Variants in ZNF208 observed in about 807,000 individuals in gnomAD.
The protein encoded by ZNF208 is zinc finger protein 95.
Under a neutral mutation model 12.1 loss-of-function variants are expected in ZNF208, and 10 were observed. The observed-to-expected ratio is 0.83, with a 90% CI of 0.51 to 1.40. The LOEUF (loss-of-function observed/expected upper bound fraction) is 1.40. Among genes scored for constraint, ZNF208 ranks in the 40% most tolerant of loss-of-function variants. ZNF208 has a pLI of 0.00. For missense variants in ZNF208, 1,652 were observed against 1,485.0 expected (o/e 1.11, Z -1.85); for synonymous variants, 497 against 488.4 (o/e 1.02, Z -0.23).
At position 21,972,407 on chromosome 19, in the gene ZNF208, A is replaced by G; in HGVS notation, c.2627T>C (p.Leu876Pro). 6.2e-7 allele frequency: 1 copy of G among 1,612,408 alleles called. No homozygotes were observed. The highest frequency in any genetic ancestry group is 1.1e-5 in the South Asian group (1 of 90,988). Residue 876 changes from leucine to proline, a missense_variant, in exon 4 of 4, where the codon CTT (leucine) becomes CCT (proline). Around this residue, in one of 3 missense-constraint regions of ZNF208, gnomAD observed 1,239 missense variants for 1,086.2 expected, o/e 1.14. Coordinates refer to ENST00000397126, the MANE Select transcript of ZNF208 (RefSeq NM_007153.3). ...AGTATGAATTTTCTTATGATAACTA[A>G]GGGTTGAGGGCCATTTATAGGCTTT... Reference protein sequence around the residue: ...CGKAYKWPSTLSYHKKIHTGE... With the variant: ...CGKAYKWPSTPSYHKKIHTGE...
chr19:21,941,362 C>T (rs1281519693), intron 4 of ZNF208: 1 of 398,854 alleles, frequency 2.5e-6, no homozygotes, highest in Non-Finnish European at 4.4e-6. Flanking sequence ...AGTGACAGAA[C>T]GAAAGGACAG....
intron 4 of ZNF208, among the ~76,000 whole-genome samples, chr19:21,958,891 G>C (rs1198869908): frequency 2.6e-5 from 4 of 152,052 alleles, no homozygotes; most frequent in Non-Finnish European, 4.4e-5. Context: ...TCCCCAGAGA[G>C]CCCCTAACCC....
intron 4 of ZNF208, among the ~76,000 whole-genome samples, chr19:21,953,050 G>A (rs899479375): frequency 2.6e-5 from 4 of 152,258 alleles, no homozygotes; most frequent in Admixed American, 6.5e-5. Flanking sequence ...TCAGTTAAGC[G>A]GAAGAAAGGG....
At chr19:21,987,125 T>A in intron 3 of ZNF208, 91 bp downstream of exon 3, 1 of 1,356,220 alleles carries the variant, frequency 7.4e-7, no homozygotes, top group South Asian at 1.5e-5. Flanking sequence ...CTACTTCTTT[T>A]GGAACACAGC....
intron 2 of ZNF208, among the ~76,000 whole-genome samples, chr19:21,988,231 C>G (rs1970659672): frequency 6.6e-6 from 1 of 151,910 alleles, no homozygotes; most frequent in Non-Finnish European, 1.5e-5. Flanking sequence ...TGGAAAAACT[C>G]CTATGATTTT....
At chr19:21,958,911 T>G (rs1970019635) in intron 4 of ZNF208, among the ~76,000 whole-genome samples, 1 of 151,934 alleles carries the variant, frequency 6.6e-6, no homozygotes, top group African/African-American at 2.4e-5. Flanking sequence ...CACGAGTCAG[T>G]GCCTCATAAC....
chr19:21,981,077 A>AAC (rs1442387827), intron 3 of ZNF208, among the ~76,000 whole-genome samples: 7 of 152,184 alleles, frequency 4.6e-5, no homozygotes, highest in South Asian at 2.1e-4. Flanking sequence ...TTATGAGCCT[A>AAC]ACAACCAAAA....
At chr19:21,984,468 G>A (rs141532966) in intron 3 of ZNF208, among the ~76,000 whole-genome samples, 9 of 152,176 alleles carry the variant, frequency 5.9e-5, no homozygotes, top group Middle Eastern at 3.4e-3. Flanking sequence ...CAGGGGAATC[G>A]CTTGAACCCA....
At chr19:22,007,723 G>T (rs1460176687) in intron 1 of ZNF208, among the ~76,000 whole-genome samples, 1 of 151,802 alleles carries the variant, frequency 6.6e-6, no homozygotes, top group Non-Finnish European at 1.5e-5. Flanking sequence ...AGGTCAGCCG[G>T]GCACAGGGGC....
At chr19:21,964,765 A>C (rs1288551016), downstream of ZNF208, among the ~76,000 whole-genome samples, 1 of 151,864 alleles carries the variant, frequency 6.6e-6, no homozygotes, top group African/African-American at 2.4e-5. Context: ...TCTGAGTTTC[A>C]GAAATGCTAA....
Position 21,973,072 on chromosome 19 carries a change from T to G in ZNF208, c.1962A>C (p.Thr654=). 2.5e-6 allele frequency: 4 copies of G among 1,613,406 alleles called. No individual in the cohort carries two copies. The South Asian group carries it at 4.4e-5, about 18-fold the overall frequency. ...KTFIKVSTLT[T]HKAIHAGEKP... ...TCTCTCCAGCATGAATTGCCTTATG[T>G]GTAGTAAGGGTTGAGACCTTAATAA... Residue 654 remains threonine, a synonymous_variant, in exon 4 of 4, where the codon ACA becomes ACC. Transcript: ENST00000397126.
intron 1 of ZNF208, among the ~76,000 whole-genome samples, chr19:22,008,586 T>C (rs1971091068): frequency 6.6e-6 from 1 of 152,026 alleles, no homozygotes; most frequent in Non-Finnish European, 1.5e-5. Context: ...CTATTTTTTT[T>C]CACAAACTTT....
In ZNF208 at chr19:21,971,222, T is replaced by G; in HGVS notation, c.3812A>C (p.His1271Pro). 1.9e-6 allele frequency: 3 copies of G among 1,612,482 alleles called. No individual in the cohort carries two copies. Among genetic ancestry groups the G allele is most frequent in the Non-Finnish European group, 2.5e-6 (3 of 1,179,764 alleles). The part of the protein sequence containing the change: ...AFSWLSVFSK[H>P]KKIHTGEKL ...TTTCTCTCCAGTATGAATTTTCTTA[T>G]GTTTACTGAAGACTGATAACCAGCT... is the stretch of plus-strand genomic sequence containing the variant. Residue 1271 changes from histidine to proline, a missense_variant, in exon 4 of 4, where the codon CAT becomes CCT. His to Pro is a moderately conservative substitution (Grantham distance 77). Around this residue, in one of 3 missense-constraint regions of ZNF208, gnomAD observed 1,239 missense variants for 1,086.2 expected, o/e 1.14. Coordinates refer to ENST00000397126, the MANE Select transcript of ZNF208 (RefSeq NM_007153.3).
Position 21,969,757 on chromosome 19 carries a change from A to G in ZNF208, c.*1434T>C, listed in dbSNP as rs1970245112. ...TACTACAACCCTCTTAATATTTATA[A>G]TGTGTTTCCTCAAAATAAATATTCT... is the stretch of plus-strand genomic sequence containing the variant. On this transcript the variant is annotated 3_prime_UTR_variant, in exon 4 of 4. Coordinates refer to ENST00000397126, the MANE Select transcript of ZNF208 (RefSeq NM_007153.3). Among the ~76,000 whole-genome samples the G allele has an allele frequency of 6.6e-6, 1 of 152,142 alleles. No homozygotes were observed. Among genetic ancestry groups the G allele is most frequent in the Admixed American group, 6.6e-5 (1 of 15,260 alleles).
rs749158635 is a variant in ZNF208 at position 22,010,759 on chromosome 19, A to C, written c.3+33T>G. 43 of 1,613,716 alleles carry C rather than the reference A, an allele frequency of 2.7e-5. No individual in the cohort carries two copies. In the Admixed American group the frequency reaches 6.8e-4, roughly 26 times the overall value. On this transcript the variant is annotated intron_variant, in intron 1 of 3. Coordinates refer to ENST00000397126, the MANE Select transcript of ZNF208 (RefSeq NM_007153.3). ...CCACCGGTTCCAAGCAGCCCGGGCCACTCTCTCAGTGTGTCGGACCCGGCA... is the reference window on the plus strand; with the variant it reads ...CCACCGGTTCCAAGCAGCCCGGGCCCCTCTCTCAGTGTGTCGGACCCGGCA...
intron 1 of ZNF208, among the ~76,000 whole-genome samples, chr19:21,999,008 G>A (rs1286683431): frequency 7.0e-6 from 1 of 142,668 alleles, no homozygotes; most frequent in Non-Finnish European, 1.5e-5. Flanking sequence ...CTAAAATTAT[G>A]CTATAATTTT....
At chr19:21,956,670 T>G (rs1177091400) in intron 4 of ZNF208, among the ~76,000 whole-genome samples, 3 of 152,220 alleles carry the variant, frequency 2.0e-5, no homozygotes, top group Non-Finnish European at 1.5e-5. Flanking sequence ...GTGTGCCATT[T>G]GCTAAGACCA....
At chr19:21,975,961 T>C (rs1240931253) in intron 3 of ZNF208, among the ~76,000 whole-genome samples, 1 of 151,278 alleles carries the variant, frequency 6.6e-6, no homozygotes, top group Non-Finnish European at 1.5e-5. Context: ...ACTGCATATG[T>C]CTTCCATAAG....
Position 21,972,608 on chromosome 19 carries a change from T to G in ZNF208, c.2426A>C (p.Glu809Ala). 1 of 1,613,510 alleles carries G rather than the reference T, an allele frequency of 6.2e-7. No homozygotes were observed. Among genetic ancestry groups the G allele is most frequent in the Non-Finnish European group, 8.5e-7 (1 of 1,179,904 alleles). ...GACCTTACTAAAGGTTTTGCCACAT[T>G]CTTCACATTTGTAGGGTTTCTCATC... ...HTDEKPYKCE[E>A]CGKTFSKVST... The change falls in exon 4 of 4, where the codon GAA becomes GCA. Residue 809 changes from glutamate to alanine, a missense_variant. Physicochemically the swap from Glu to Ala is moderately radical, Grantham distance 107. Around this residue, in one of 3 missense-constraint regions of ZNF208, gnomAD observed 1,239 missense variants for 1,086.2 expected, o/e 1.14. Coordinates refer to ENST00000397126, the MANE Select transcript of ZNF208 (RefSeq NM_007153.3).
Sources: allele counts gnomAD v4.1 joint callset (sites outside exome capture counted in the v4.1 genomes callset), GRCh38; gene constraint gnomAD v4.1.1; regional missense constraint gnomAD v4.1.1; transcripts MANE v1.5; gene names NCBI Gene and HGNC (gene_info 2026-07-23, HGNC 2026-07-21).